The following CTNNA3 variants were observed in gnomAD, a reference collection of about 807,000 sequenced individuals.
CTNNA3 encodes the protein catenin alpha 3, also known as catenin alpha-3.
CTNNA3 carries 76 observed loss-of-function variants against 95.7 expected under a neutral mutation model. The ratio of observed to expected loss-of-function variants is 0.79; its 90% CI spans 0.66 to 0.96. The LOEUF (loss-of-function observed/expected upper bound fraction) is 0.96, where lower values mean the gene tolerates loss of function less well. Ranked by LOEUF, CTNNA3 falls within the 40% of genes least tolerant of loss-of-function variation. The pLI is 0.00. For missense variants in CTNNA3, 1,191 were observed against 1,089.8 expected, an observed-to-expected ratio of 1.09 and a Z score of -1.31; for synonymous variants, 431 against 374.4, an observed-to-expected ratio of 1.15 and a Z score of -1.74.
chr10:66,905,706 G>T (rs1791525878), intron 7 of CTNNA3, among the ~76,000 whole-genome samples: 1 of 152,080 alleles, frequency 6.6e-6, no homozygotes, highest in Non-Finnish European at 1.5e-5. Flanking sequence ...AGGAAATTTT[G>T]CTACATGCAT....
chr10:67,731,411 G>A (rs1841272924), intron 1 of CTNNA3, among the ~76,000 whole-genome samples: 4 of 152,122 alleles, frequency 2.6e-5, no homozygotes, highest in Admixed American at 1.3e-4. Context: ...AACCTGGGAA[G>A]CGGAGGTTGC....
chr10:67,709,861 C>T (rs1380543169), intron 1 of CTNNA3, among the ~76,000 whole-genome samples: 2 of 152,152 alleles, frequency 1.3e-5, no homozygotes, highest in African/African-American at 4.8e-5. Flanking sequence ...TACCACAAGA[C>T]CTATTGCAGT....
intron 5 of CTNNA3, among the ~76,000 whole-genome samples, chr10:67,458,957 C>T (rs1847275137): frequency 6.6e-6 from 1 of 152,090 alleles, no homozygotes; most frequent in Non-Finnish European, 1.5e-5. Flanking sequence ...ACTTTTTCTC[C>T]AACTCCCTAG....
intron 4 of CTNNA3, among the ~76,000 whole-genome samples, chr10:67,522,952 C>T (rs545761122): frequency 1.1e-4 from 17 of 152,272 alleles, no homozygotes; most frequent in African/African-American, 3.8e-4. Context: ...ATCTTAAACA[C>T]ACCAGAACTC....
intron 5 of CTNNA3, among the ~76,000 whole-genome samples, chr10:67,266,251 A>T (rs979865576): frequency 1.4e-4 from 22 of 152,284 alleles, no homozygotes; most frequent in African/African-American, 5.1e-4. Context: ...AATTCAACTT[A>T]CACTTCATCT....
chr10:67,138,917 T>G (rs1330147513), intron 7 of CTNNA3, among the ~76,000 whole-genome samples: 1 of 152,174 alleles, frequency 6.6e-6, no homozygotes, highest in Non-Finnish European at 1.5e-5. Flanking sequence ...AAATTATTTT[T>G]CTTGGAAAAC....
chr10:66,549,224 G>C (rs182663761), intron 10 of CTNNA3, among the ~76,000 whole-genome samples: 8 of 152,026 alleles, frequency 5.3e-5, no homozygotes, highest in Admixed American at 4.6e-4. Flanking sequence ...TCCATCTCCT[G>C]ACCTCGTGAT....
At chr10:67,405,572 C>G (rs1219632445) in intron 5 of CTNNA3, among the ~76,000 whole-genome samples, 1 of 152,158 alleles carries the variant, frequency 6.6e-6, no homozygotes, top group Non-Finnish European at 1.5e-5. Flanking sequence ...TTCAAAGAGA[C>G]TTAGACTCCC....
chr10:66,043,126 C>T (rs1458527539), intron 15 of CTNNA3, among the ~76,000 whole-genome samples: 3 of 85,186 alleles, frequency 3.5e-5, no homozygotes, highest in East Asian at 7.2e-4. Context: ...GGTAGCTATC[C>T]GGGTAATGAA....
chr10:67,352,376 G>T (rs563583373), intron 5 of CTNNA3, among the ~76,000 whole-genome samples: 3 of 152,018 alleles, frequency 2.0e-5, no homozygotes, highest in African/African-American at 7.2e-5. Flanking sequence ...CTGTGCTGAT[G>T]TATTTATTCC....
At chr10:66,801,093 G>T (rs1841410733) in intron 7 of CTNNA3, among the ~76,000 whole-genome samples, 1 of 151,260 alleles carries the variant, frequency 6.6e-6, no homozygotes, top group African/African-American at 2.4e-5. Flanking sequence ...GCACTAAGTT[G>T]TTCTCCACAC....
intron 7 of CTNNA3, among the ~76,000 whole-genome samples, chr10:66,879,739 T>C (rs1844772639): frequency 6.6e-6 from 1 of 151,992 alleles, no homozygotes; most frequent in South Asian, 2.1e-4. Context: ...CACTCAGGAA[T>C]AGATAGAGAC....
At position 67,511,804 on chromosome 10, in the gene CTNNA3, G is replaced by A. The variant is rs183026196; in HGVS notation, c.579+10038C>T. ...CCTCTTTGTACCTCTGGTAGAATTC[G>A]GCTGTGAATGTGTCTGATCCTGGAC... On this transcript the variant is annotated intron_variant, in intron 5 of 17. Coordinates refer to ENST00000433211, the MANE Select transcript of CTNNA3 (RefSeq NM_013266.4). Among the ~76,000 whole-genome samples, 540 of 152,190 alleles carry A rather than the reference G, an allele frequency of 3.5e-3. 4 individuals carry two copies. The highest frequency in any genetic ancestry group is 0.012 in the African/African-American group (496 of 41,506).
At chr10:66,327,783 TG>T (rs2092274153) in intron 12 of CTNNA3, among the ~76,000 whole-genome samples, 1 of 152,096 alleles carries the variant, frequency 6.6e-6, no homozygotes, top group Admixed American at 6.5e-5. Context: ...TTCTTAAAAC[TG>T]TATCATGAAT....
At chr10:66,612,520 T>C (rs1274806119) in intron 10 of CTNNA3, among the ~76,000 whole-genome samples, 1 of 152,124 alleles carries the variant, frequency 6.6e-6, no homozygotes, top group Non-Finnish European at 1.5e-5. Context: ...GGGAGGTTTA[T>C]GGAAATGTGT....
chr10:67,558,810 A>C (rs1841356985), intron 3 of CTNNA3, among the ~76,000 whole-genome samples: 1 of 152,220 alleles, frequency 6.6e-6, no homozygotes, highest in South Asian at 2.1e-4. Flanking sequence ...CAACGGGCTT[A>C]AAAAATGGCA....
At chr10:67,520,477 G>T (rs1052979144) in intron 5 of CTNNA3, among the ~76,000 whole-genome samples, 2 of 152,154 alleles carry the variant, frequency 1.3e-5, no homozygotes, top group Non-Finnish European at 2.9e-5. Flanking sequence ...AAACAAAACT[G>T]TACTAAAAAT....
At chr10:66,786,379 C>G (rs1046170871) in intron 7 of CTNNA3, among the ~76,000 whole-genome samples, 1 of 152,180 alleles carries the variant, frequency 6.6e-6, no homozygotes, top group Non-Finnish European at 1.5e-5. Context: ...CTCCTTCCTC[C>G]TCTTGCTTCT....
intron 5 of CTNNA3, among the ~76,000 whole-genome samples, chr10:67,433,105 T>C (rs1846169292): frequency 6.6e-6 from 1 of 152,068 alleles, no homozygotes; most frequent in Non-Finnish European, 1.5e-5. Flanking sequence ...AACTTAACTA[T>C]TTTTAGCTTT....
Sources: gnomAD v4.1 joint callset for allele counts (sites outside exome capture counted in the v4.1 genomes callset) on GRCh38, gnomAD v4.1.1 for gene constraint, MANE v1.5 for transcripts, NCBI Gene and HGNC (gene_info 2026-07-23, HGNC 2026-07-21) for gene names.